The following ATXN7L1 variants were observed in gnomAD, a reference collection of about 807,000 sequenced individuals.
ATXN7L1 encodes the protein ataxin 7 like 1.
In ATXN7L1, 15 loss-of-function variants were observed where a neutral mutation model predicts 70.8. The observed-to-expected ratio is 0.21, with a 90% CI of 0.14 to 0.33. The LOEUF is 0.33. Ranked by LOEUF, ATXN7L1 falls within the 10% of genes least tolerant of loss-of-function variation. The pLI, the probability that ATXN7L1 is intolerant of heterozygous loss-of-function variation, is 1.00. For synonymous variants in ATXN7L1, 440 were observed against 445.1 expected (o/e 0.99, Z 0.14); for missense variants, 975 against 1,097.1 (o/e 0.89, Z 1.57).
chr7:105,825,887 C>G (rs184059253), intron 2 of ATXN7L1, among the ~76,000 whole-genome samples: 1 of 152,054 alleles, frequency 6.6e-6, no homozygotes, highest in South Asian at 2.1e-4. Flanking sequence ...TATTTACAAG[C>G]TTGATGTAAC....
intron 3 of ATXN7L1, among the ~76,000 whole-genome samples, chr7:105,726,552 G>A (rs1482077086): frequency 6.6e-6 from 1 of 152,100 alleles, no homozygotes; most frequent in Non-Finnish European, 1.5e-5. Flanking sequence ...TTCATGCTTG[G>A]CACCCAACAC....
intron 7 of ATXN7L1, among the ~76,000 whole-genome samples, chr7:105,632,442 A>T (rs976863551): frequency 3.3e-5 from 5 of 152,336 alleles, no homozygotes; most frequent in African/African-American, 9.6e-5. Context: ...AGTAAGAGAC[A>T]AAAAGAGGTA....
Position 105,614,687 on chromosome 7 carries a change from G to A in ATXN7L1, c.1647C>T (p.Ser549=). Residue 549 remains serine (S), a synonymous_variant, in exon 10 of 12, where the codon AGC becomes AGT. Transcript: ENST00000419735. The surrounding 1 kb of genome is among the most constrained non-coding windows in gnomAD (Gnocchi z 4.3). ...TTATGTAAGAAGAGGTGAGCCTCGA[G>A]CTGATGGGAGCTGAAGGAAGATACA... The part of the protein sequence containing the change: ...SAVYLPSAPI[S]SRLTSSYIMT... The A allele has an allele frequency of 6.4e-7, 1 of 1,551,758 alleles. No individual in the cohort carries two copies. The highest frequency in any genetic ancestry group is 8.7e-7 in the Non-Finnish European group (1 of 1,147,022).
intron 3 of ATXN7L1, among the ~76,000 whole-genome samples, chr7:105,748,676 C>T (rs1418257095): frequency 6.6e-6 from 1 of 152,122 alleles, no homozygotes; most frequent in Non-Finnish European, 1.5e-5. Flanking sequence ...GAGTCTTCTC[C>T]CTCAGGCCTG....
Position 105,778,526 on chromosome 7 carries a change from A to AAC in ATXN7L1, c.355+10077_355+10078insGT, listed in dbSNP as rs1803082354. The stretch of plus-strand genomic sequence containing the variant: ...ACCCTATCTCAAAAAAAAAAAAAAA[A>AAC]AAAAAAAAACAAAGACTAAATAATC... On this transcript the variant is annotated intron_variant, in intron 3 of 11. Coordinates refer to ENST00000419735, the MANE Select transcript of ATXN7L1 (RefSeq NM_020725.2). Among the ~76,000 whole-genome samples, 10 of 122,652 alleles carry AAC rather than the reference A, an allele frequency of 8.2e-5. No individual in the cohort carries two copies. The South Asian group carries it at 2.1e-3, about 26-fold the overall frequency. The allele number at this position is 122,652 out of a possible 152,430, so 80.5% of individuals were successfully genotyped here. A position where few individuals can be genotyped will look rare whatever the true frequency, so the allele number is the denominator to read the frequency against.
At chr7:105,712,364 C>T (rs1235532493) in intron 3 of ATXN7L1, among the ~76,000 whole-genome samples, 2 of 152,230 alleles carry the variant, frequency 1.3e-5, no homozygotes, top group African/African-American at 2.4e-5. Context: ...TTGAATTTCT[C>T]CCCAGAAAAA....
chr7:105,819,673 A>T lies in ATXN7L1; in HGVS notation c.251-30965T>A. The T allele has an allele frequency of 1.6e-5, 15 of 944,796 alleles. No individual in the cohort carries two copies. In the South Asian group the frequency reaches 1.9e-4, roughly 12 times the overall value. The allele number at this position is 944,796 out of a possible 1,614,324, so 58.5% of individuals were successfully genotyped here. On this transcript the variant is annotated intron_variant, in intron 2 of 11. Transcript: ENST00000419735. ...AAGTACCTGGTCTTCCTCCGCAAGC[A>T]GATGAACACCAACCCTTCCCGAGGC... is the stretch of plus-strand genomic sequence containing the variant.
Position 105,665,237 on chromosome 7 carries a change from G to A in ATXN7L1, c.407C>T (p.Ala136Val). The A allele has an allele frequency of 6.4e-7, 1 of 1,551,688 alleles. No homozygotes were observed. The highest frequency in any genetic ancestry group is 1.7e-4 in the Middle Eastern group (1 of 5,980). The change falls in exon 4 of 12, where the codon GCC (alanine) becomes GTC (valine). Residue 136 changes from alanine (A) to valine (V), a missense_variant. Around this residue, in one of 5 missense-constraint regions of ATXN7L1, gnomAD observed 192 missense variants for 215.5 expected, o/e 0.89. Coordinates refer to ENST00000419735, the MANE Select transcript of ATXN7L1 (RefSeq NM_020725.2). ...CRPSPSPVSP[A>V]SNPRTSLVQV... ...TACTAGTGATGTCCTGGGATTGGAGGCTGGAGACACTGGAGAGGGAGAAGG... is the reference window on the plus strand; with the variant it reads ...TACTAGTGATGTCCTGGGATTGGAGACTGGAGACACTGGAGAGGGAGAAGG...
At chr7:105,868,273 G>C (rs186801803) in intron 2 of ATXN7L1, among the ~76,000 whole-genome samples, 1 of 152,156 alleles carries the variant, frequency 6.6e-6, no homozygotes. Flanking sequence ...ACTCATCGCG[G>C]TCTACCTGTA....
chr7:105,690,856 C>A (rs1187800149), intron 3 of ATXN7L1, among the ~76,000 whole-genome samples: 1 of 152,162 alleles, frequency 6.6e-6, no homozygotes, highest in African/African-American at 2.4e-5. Flanking sequence ...TTATAGAGTG[C>A]TAATTCCGGC....
intron 3 of ATXN7L1, among the ~76,000 whole-genome samples, chr7:105,783,549 G>T (rs972158413): frequency 3.3e-5 from 5 of 152,122 alleles, no homozygotes; most frequent in African/African-American, 1.2e-4. Context: ...AACCAATCAT[G>T]CATGGAACCT....
chr7:105,728,361 A>G (rs1185069401), intron 3 of ATXN7L1, among the ~76,000 whole-genome samples: 4 of 152,226 alleles, frequency 2.6e-5, no homozygotes, highest in African/African-American at 9.6e-5. Context: ...GAACTGAACA[A>G]TTAAGAAAAT....
chr7:105,783,927 C>A (rs1015189780), intron 3 of ATXN7L1, among the ~76,000 whole-genome samples: 1 of 152,048 alleles, frequency 6.6e-6, no homozygotes, highest in Non-Finnish European at 1.5e-5. Flanking sequence ...GAGCCTTTAA[C>A]CTGTGGGGTC....
rs996872218 is a variant in ATXN7L1, at chr7:105,788,935, C to T, written c.251-227G>A. On this transcript the variant is annotated intron_variant, in intron 2 of 11. Coordinates refer to ENST00000419735, the MANE Select transcript of ATXN7L1 (RefSeq NM_020725.2). ...TTATTTCTCCCCTGGAAATGCACTG[C>T]GGCTGCTCCTGATTCAGTCTGTGGT... Among the ~76,000 whole-genome samples, 8 of 152,326 alleles carry T rather than the reference C, an allele frequency of 5.3e-5. No individual in the cohort carries two copies. In the East Asian group the frequency reaches 5.8e-4, roughly 11 times the overall value.
chr7:105,776,355 T>C (rs1018796585), intron 3 of ATXN7L1, among the ~76,000 whole-genome samples: 1 of 152,194 alleles, frequency 6.6e-6, no homozygotes, highest in Non-Finnish European at 1.5e-5. Context: ...AGCAGCCATG[T>C]CTTCCAAATG....
intron 2 of ATXN7L1, among the ~76,000 whole-genome samples, chr7:105,821,527 T>G (rs1303967260): frequency 6.6e-6 from 1 of 152,192 alleles, no homozygotes; most frequent in Non-Finnish European, 1.5e-5. Flanking sequence ...TTGAATGGCG[T>G]AGAAGATTGA....
At chr7:105,692,440 C>CCCTT (rs1791121252) in intron 3 of ATXN7L1, among the ~76,000 whole-genome samples, 1 of 98,180 alleles carries the variant, frequency 1.0e-5, no homozygotes, top group Admixed American at 1.3e-4. Context: ...CTCCCTCCCT[C>CCCTT]CCTCCCTTCC....
chr7:105,778,539 AG>A (rs993137327), intron 3 of ATXN7L1, among the ~76,000 whole-genome samples: 2 of 150,094 alleles, frequency 1.3e-5, no homozygotes, highest in African/African-American at 2.5e-5. Flanking sequence ...AAAAAAACAA[AG>A]ACTAAATAAT....
At chr7:105,822,055 C>G (rs1810238496) in intron 2 of ATXN7L1, among the ~76,000 whole-genome samples, 1 of 152,214 alleles carries the variant, frequency 6.6e-6, no homozygotes, top group African/African-American at 2.4e-5. Flanking sequence ...TCATAGAGCC[C>G]TTCCCTATAC....
Sources: allele counts gnomAD v4.1 joint callset (sites outside exome capture counted in the v4.1 genomes callset), GRCh38; gene constraint gnomAD v4.1.1; regional missense constraint gnomAD v4.1.1; non-coding constraint Gnocchi (gnomAD v3.1); transcripts MANE v1.5; gene names NCBI Gene and HGNC (gene_info 2026-07-23, HGNC 2026-07-21).